The following SNRK variants were observed in gnomAD, a reference collection of about 807,000 sequenced individuals.
SNRK encodes the protein SNF-related serine/threonine-protein kinase.
SNRK carries 3 observed loss-of-function variants against 48.2 expected under a neutral mutation model. That is an observed-to-expected ratio of 0.06 (90% CI 0.03 to 0.16). SNRK has a LOEUF of 0.16. SNRK is among the 10% of genes least tolerant of loss of function. The probability of loss-of-function intolerance (pLI) is 1.00; values close to 1 mark genes in which losing one functional copy is unlikely to be tolerated. For missense variants in SNRK, 627 were observed against 976.0 expected (o/e 0.64, Z 4.76); for synonymous variants, 376 against 366.1 (o/e 1.03, Z -0.31).
chr3:43,341,285 G>A (rs1352183970), intron 5 of SNRK, among the ~76,000 whole-genome samples: 1 of 152,048 alleles, frequency 6.6e-6, no homozygotes, highest in Non-Finnish European at 1.5e-5. Context: ...CAAGTAGCTG[G>A]GACTACAGGT....
rs866512318 is a variant in SNRK at position 43,348,631 on chromosome 3, T to G, written c.*74T>G. On this transcript the variant is annotated 3_prime_UTR_variant, in exon 7 of 7. Coordinates refer to ENST00000296088, the MANE Select transcript of SNRK (RefSeq NM_017719.5). ...GACCGGCTCACTTCACTGTTCCATTTGGTTTTACTATTTTAAAGTGGGCGT... is the reference window on the plus strand; with the variant it reads ...GACCGGCTCACTTCACTGTTCCATTGGGTTTTACTATTTTAAAGTGGGCGT... 7.1e-6 allele frequency: 10 copies of G among 1,403,124 alleles called. No homozygotes were observed. The Middle Eastern group carries it at 2.1e-3, about 293-fold the overall frequency. The allele number at this position is 1,403,124 out of a possible 1,614,324, so 86.9% of individuals were successfully genotyped here.
intron 3 of SNRK, chr3:43,315,270 C>G (rs1257802641): frequency 6.6e-6 from 1 of 152,066 alleles, no homozygotes; most frequent in Non-Finnish European, 1.5e-5. Flanking sequence ...AAAAAATCTG[C>G]AATTATAAGT....
chr3:43,304,889 TA>T (rs2090925289), intron 3 of SNRK, among the ~76,000 whole-genome samples: 1 of 152,096 alleles, frequency 6.6e-6, no homozygotes, highest in South Asian at 2.1e-4. Flanking sequence ...CTACTACAGA[TA>T]ACTAGACTTC....
intron 3 of SNRK, among the ~76,000 whole-genome samples, chr3:43,320,859 C>G (rs958648067): frequency 2.0e-5 from 3 of 150,466 alleles, no homozygotes; most frequent in Admixed American, 6.6e-5. Flanking sequence ...AGAAAGGGCT[C>G]TTCATGACTT....
At chr3:43,309,065 G>A (rs144943232) in intron 3 of SNRK, among the ~76,000 whole-genome samples, 106 of 152,312 alleles carry the variant, frequency 7.0e-4, no homozygotes, top group African/African-American at 2.5e-3. Context: ...TAGAAAGGGA[G>A]CCTGAAGATA....
intron 1 of SNRK, among the ~76,000 whole-genome samples, chr3:43,293,012 C>A (rs1044393969): frequency 6.6e-6 from 1 of 152,148 alleles, no homozygotes; most frequent in African/African-American, 2.4e-5. Flanking sequence ...GTGTTGTGTC[C>A]TGTACAGTTA....
chr3:43,300,763 T>C (rs766047959), intron 2 of SNRK, among the ~76,000 whole-genome samples: 6 of 152,236 alleles, frequency 3.9e-5, no homozygotes, highest in Non-Finnish European at 8.8e-5. Flanking sequence ...AGGGATAATA[T>C]ACATATGGAA....
At chr3:43,295,181 A>T (rs758925880) in intron 1 of SNRK, among the ~76,000 whole-genome samples, 1 of 152,174 alleles carries the variant, frequency 6.6e-6, no homozygotes, top group Non-Finnish European at 1.5e-5. Flanking sequence ...CCTCTCTACA[A>T]ATACTAAGTA....
At chr3:43,290,020 A>C (rs902484310) in intron 1 of SNRK, among the ~76,000 whole-genome samples, 4 of 152,206 alleles carry the variant, frequency 2.6e-5, no homozygotes, top group African/African-American at 9.6e-5. Flanking sequence ...CGTTTAATGT[A>C]GGTTATGACA....
chr3:43,286,946 C>T (rs1160048776), intron 1 of SNRK, among the ~76,000 whole-genome samples: 2 of 144,150 alleles, frequency 1.4e-5, no homozygotes, highest in African/African-American at 2.5e-5. Context: ...ACTGCGGCGG[C>T]GGCCGCGGTC....
At chr3:43,332,139 A>G (rs1273825260) in intron 3 of SNRK, 30 bp from the exon 4 acceptor site, 20 of 1,480,038 alleles carry the variant, frequency 1.4e-5, no homozygotes, top group Non-Finnish European at 1.7e-5. Context: ...TAATTAGTCC[A>G]ATATTTTAAA....
At chr3:43,319,912 G>A (rs1233141220) in intron 3 of SNRK, among the ~76,000 whole-genome samples, 1 of 152,120 alleles carries the variant, frequency 6.6e-6, no homozygotes, top group Non-Finnish European at 1.5e-5. Context: ...ATACAAACAT[G>A]CATTTTGGGT....
chr3:43,335,982 T>C (rs1272110600), intron 4 of SNRK, among the ~76,000 whole-genome samples: 2 of 152,098 alleles, frequency 1.3e-5, no homozygotes, highest in East Asian at 1.9e-4. Context: ...TGGAGCCGAG[T>C]TTTTCTTTAA....
At chr3:43,314,751 G>A (rs2091002306) in intron 3 of SNRK, among the ~76,000 whole-genome samples, 1 of 152,116 alleles carries the variant, frequency 6.6e-6, no homozygotes, top group Non-Finnish European at 1.5e-5. Flanking sequence ...TATTTCAGAA[G>A]GACATAAATG....
At chr3:43,337,075 T>A (rs2091195434) in intron 4 of SNRK, among the ~76,000 whole-genome samples, 1 of 151,580 alleles carries the variant, frequency 6.6e-6, no homozygotes, top group Non-Finnish European at 1.5e-5. Flanking sequence ...TTTATACCTT[T>A]TTTTTCTATT....
At chr3:43,305,008 C>T (rs2090926335) in intron 3 of SNRK, among the ~76,000 whole-genome samples, 1 of 151,872 alleles carries the variant, frequency 6.6e-6, no homozygotes, top group Non-Finnish European at 1.5e-5. Context: ...CAAATGTCTA[C>T]CCAAGAAAAA....
chr3:43,317,292 A>G (rs912596681), intron 3 of SNRK, among the ~76,000 whole-genome samples: 2 of 152,124 alleles, frequency 1.3e-5, no homozygotes, highest in African/African-American at 4.8e-5. Context: ...CCTTTGTTCT[A>G]CCACAGTTCT....
intron 4 of SNRK, among the ~76,000 whole-genome samples, chr3:43,338,255 T>G (rs564830174): frequency 2.0e-4 from 30 of 152,374 alleles, no homozygotes; most frequent in African/African-American, 6.3e-4. Context: ...TTGTTTAGAA[T>G]TTGTTTGGAT....
At chr3:43,318,474 G>C (rs1395352484) in intron 3 of SNRK, among the ~76,000 whole-genome samples, 4 of 151,860 alleles carry the variant, frequency 2.6e-5, no homozygotes, top group Non-Finnish European at 2.9e-5. Context: ...ACATATGGAA[G>C]CTGAATCAAC....
Sources: gnomAD v4.1 joint callset for allele counts (sites outside exome capture counted in the v4.1 genomes callset) on GRCh38, gnomAD v4.1.1 for gene constraint, MANE v1.5 for transcripts, NCBI Gene and HGNC (gene_info 2026-07-23, HGNC 2026-07-21) for gene names.